PPL: variants seen among roughly 807,000 people sequenced by gnomAD.
The protein encoded by PPL is 190 kDa paraneoplastic pemphigus antigen.
In PPL, 198 loss-of-function variants were observed where a neutral mutation model predicts 194.4. That is an observed-to-expected ratio of 1.02 (90% CI 0.91 to 1.15). The LOEUF (loss-of-function observed/expected upper bound fraction) is 1.15. PPL is among the 50% of genes most tolerant of loss of function. The pLI, the probability that PPL is intolerant of heterozygous loss-of-function variation, is 0.00. For synonymous variants in PPL, 1,220 were observed against 972.4 expected (o/e 1.25, Z -4.74); for missense variants, 2,885 against 2,294.8 (o/e 1.26, Z -5.25).
At chr16:4,898,360 A>G (rs1197503683) in intron 8 of PPL, among the ~76,000 whole-genome samples, 1 of 152,192 alleles carries the variant, frequency 6.6e-6, no homozygotes, top group African/African-American at 2.4e-5. Flanking sequence ...CCTGGGCAAC[A>G]ACAGCGAAAC....
At chr16:4,935,217 G>A (rs1053266449) in intron 1 of PPL, among the ~76,000 whole-genome samples, 1 of 152,110 alleles carries the variant, frequency 6.6e-6, no homozygotes, top group African/African-American at 2.4e-5. Flanking sequence ...GGGAAAGCCC[G>A]CACCCCTCCC....
At chr16:4,928,937 G>C (rs1239764993) in intron 1 of PPL, among the ~76,000 whole-genome samples, 3 of 141,328 alleles carry the variant, frequency 2.1e-5, no homozygotes, top group Non-Finnish European at 4.5e-5. Context: ...CTTGAACCCA[G>C]GAGGCAGAGA....
At position 4,884,746 on chromosome 16, in the gene PPL, T is replaced by A. The variant is rs1180743186; in HGVS notation, c.3909A>T (p.Gln1303His). The A allele has an allele frequency of 2.5e-6, 4 of 1,614,064 alleles. No individual in the cohort carries two copies. Among genetic ancestry groups the A allele is most frequent in the Non-Finnish European group, 3.4e-6 (4 of 1,180,036 alleles). Residue 1303 changes from glutamine to histidine, a missense_variant, in exon 22 of 22, where the codon CAA becomes CAT. Physicochemically the swap from Gln to His is conservative, Grantham distance 24. Transcript: ENST00000345988. The surrounding 1 kb of genome is among the most constrained non-coding windows in gnomAD (Gnocchi z 5.7). The stretch of plus-strand genomic sequence containing the variant: ...TCAGAGACGCCACCTCCTCCTTGGT[T>A]TGAGGGTCTTCTTGGAATTGGAGGA... Reference protein sequence around the residue: ...QEILQFQEDPQTKEEVASLRA... With the variant: ...QEILQFQEDPHTKEEVASLRA...
chr16:4,908,162 CAAA>C (rs55889324), intron 2 of PPL, among the ~76,000 whole-genome samples: 9 of 73,234 alleles, frequency 1.2e-4, no homozygotes, highest in Admixed American at 1.6e-4. Context: ...AGACTGTCTC[CAAA>C]AAAAAAAAAA....
chr16:4,889,163 C>G (rs1392010513), intron 18 of PPL, 102 bp from the exon 19 acceptor site: 5 of 909,660 alleles, frequency 5.5e-6, no homozygotes, highest in Non-Finnish European at 8.8e-6. Flanking sequence ...ATTTATTCTT[C>G]TCTAGCACAA....
In PPL at chr16:4,883,561, G is replaced by T; in HGVS notation, c.5094C>A (p.Ile1698=). The change falls in exon 22 of 22, where the codon ATC becomes ATA. Residue 1698 remains isoleucine (I), a synonymous_variant. Transcript: ENST00000345988. The surrounding 1 kb of genome is among the most constrained non-coding windows in gnomAD (Gnocchi z 4.8). The stretch of plus-strand genomic sequence containing the variant: ...ACTCCCCATTGGGACCCTTCACTGA[G>T]ATCTCCTCCCAGTCGCACTCCTGGC... ...LRSQECDWEE[I]SVKGPNGESS... is the part of the protein sequence containing the mutation. 4 of 1,614,174 alleles carry T rather than the reference G, an allele frequency of 2.5e-6. No homozygotes were observed. The highest frequency in any genetic ancestry group is 3.4e-6 in the Non-Finnish European group (4 of 1,180,018).
rs776276104 is a variant in PPL, at chr16:4,885,355, C to T, written c.3300G>A (p.Arg1100=). ...ELSFLQDKLK[R]LEKERAMAEG... ...CGGCCATGGCCCGCTCCTTCTCTAG[C>T]CTCTTGAGCTTGTCCTGGAGGAAGC... The change falls in exon 22 of 22, where the codon AGG becomes AGA. Residue 1100 remains arginine, a synonymous_variant. Transcript: ENST00000345988. This position sits in a 1 kb window ranked among gnomAD's most constrained non-coding sequence, Gnocchi z 6.3. The T allele has an allele frequency of 1.2e-6, 2 of 1,612,834 alleles. No individual in the cohort carries two copies. The highest frequency in any genetic ancestry group is 1.1e-5 in the South Asian group (1 of 91,072).
intron 1 of PPL, among the ~76,000 whole-genome samples, chr16:4,925,310 T>C (rs901773695): frequency 6.6e-6 from 1 of 152,194 alleles, no homozygotes; most frequent in Non-Finnish European, 1.5e-5. Flanking sequence ...AAACACTGCC[T>C]GGCTCCTGAA....
chr16:4,911,524 C>T (rs1446161043), intron 1 of PPL, among the ~76,000 whole-genome samples: 1 of 123,960 alleles, frequency 8.1e-6, no homozygotes, highest in African/African-American at 2.8e-5. Flanking sequence ...TTCATTCGTT[C>T]ATTCATTCAT....
intron 1 of PPL, among the ~76,000 whole-genome samples, chr16:4,933,024 C>CA (rs2142433991): frequency 6.6e-6 from 1 of 150,576 alleles, no homozygotes; most frequent in Non-Finnish European, 1.5e-5. Flanking sequence ...CTTTTTGAGA[C>CA]AGAGTCTCAC....
intron 1 of PPL, among the ~76,000 whole-genome samples, chr16:4,925,571 T>C (rs2089141077): frequency 6.6e-6 from 1 of 152,238 alleles, no homozygotes; most frequent in Non-Finnish European, 1.5e-5. Flanking sequence ...GGCCCTTCTA[T>C]AACCTTAATT....
chr16:4,906,091 G>A (rs1470122527), intron 2 of PPL, among the ~76,000 whole-genome samples: 1 of 152,142 alleles, frequency 6.6e-6, no homozygotes, highest in Non-Finnish European at 1.5e-5. Flanking sequence ...CTTGGCGACA[G>A]AGCGAGACCC....
At chr16:4,896,700 C>T (rs947392020) in intron 9 of PPL, among the ~76,000 whole-genome samples, 7 of 144,960 alleles carry the variant, frequency 4.8e-5, no homozygotes, top group Admixed American at 2.1e-4. Context: ...AGTGCAATGG[C>T]GCGATCTCAG....
chr16:4,924,182 A>G (rs913266115), intron 1 of PPL, among the ~76,000 whole-genome samples: 2 of 152,224 alleles, frequency 1.3e-5, no homozygotes, highest in Non-Finnish European at 2.9e-5. Flanking sequence ...AGCCACGTGA[A>G]AAGAGTAAGA....
intron 2 of PPL, among the ~76,000 whole-genome samples, chr16:4,907,023 T>C (rs113849348): frequency 0.023 from 3,445 of 147,532 alleles, 102 homozygotes; most frequent in African/African-American, 0.067. Context: ...GGCGGGAGGA[T>C]TGCTTGAGCT....
intron 1 of PPL, among the ~76,000 whole-genome samples, chr16:4,929,668 C>T (rs75296304): frequency 0.037 from 5,564 of 152,188 alleles, 127 homozygotes; most frequent in Middle Eastern, 0.058. Context: ...TTTAGATTTA[C>T]TGGTTCTTCC....
chr16:4,904,707 T>A (rs538202169), intron 2 of PPL, among the ~76,000 whole-genome samples: 1 of 151,864 alleles, frequency 6.6e-6, no homozygotes, highest in African/African-American at 2.4e-5. Context: ...GGTGAGCAGC[T>A]AGAACACACA....
chr16:4,904,675 A>G lies in PPL; in HGVS notation c.163-635T>C, dbSNP rs139197004. ...AGGTCTCTGTGGATAGGGAGGAAAC[A>G]GGGCAGGCGGGGGGCGGGGAGGGTG... On this transcript the variant is annotated intron_variant, in intron 2 of 21. Coordinates refer to ENST00000345988, the MANE Select transcript of PPL (RefSeq NM_002705.5). Among the ~76,000 whole-genome samples the G allele has an allele frequency of 5.3e-3, 808 of 152,176 alleles. 6 individuals carry two copies. Among genetic ancestry groups the G allele is most frequent in the African/African-American group, 0.018 (766 of 41,552 alleles).
At chr16:4,894,740 C>A in intron 11 of PPL, 122 bp from the exon 12 acceptor site, 1 of 1,151,244 alleles carries the variant, frequency 8.7e-7, no homozygotes, top group Non-Finnish European at 1.2e-6. Context: ...TGGACCCTCC[C>A]CGTAGAGTGG....
Sources: allele counts gnomAD v4.1 joint callset (sites outside exome capture counted in the v4.1 genomes callset), GRCh38; gene constraint gnomAD v4.1.1; non-coding constraint Gnocchi (gnomAD v3.1); transcripts MANE v1.5; gene names NCBI Gene and HGNC (gene_info 2026-07-23, HGNC 2026-07-21).